SH3RF1: variants seen among roughly 807,000 people sequenced by gnomAD.
The protein encoded by SH3RF1 is E3 ubiquitin-protein ligase SH3RF1.
SH3RF1 carries 32 observed loss-of-function variants against 74.0 expected under a neutral mutation model. The ratio of observed to expected loss-of-function variants is 0.43; its 90% CI spans 0.33 to 0.58. SH3RF1 has a LOEUF of 0.58. Ranked by LOEUF, SH3RF1 falls within the 20% of genes least tolerant of loss-of-function variation. The probability of loss-of-function intolerance (pLI) is 0.05; values close to 1 mark genes in which losing one functional copy is unlikely to be tolerated. For missense variants in SH3RF1, 954 were observed against 1,130.9 expected (o/e 0.84, Z 2.24); for synonymous variants, 396 against 439.6 (o/e 0.90, Z 1.24).
rs1240584114 is a variant in SH3RF1 at position 169,107,074 on chromosome 4, C to T, written c.2271G>A (p.Val757=). 8.7e-6 allele frequency: 14 copies of T among 1,614,010 alleles called. No homozygotes were observed. Among genetic ancestry groups the T allele is most frequent in the Non-Finnish European group, 1.1e-5 (13 of 1,179,998 alleles). ...GSAELPLQGA[V]GPELPPGGGH... is the part of the protein sequence containing the mutation. ...CACCTCCTGGTGGCAGTTCGGGCCC[C>T]ACCGCTCCCTGGAGAGGAAGCTCTG... The change falls in exon 11 of 12, where the codon GTG becomes GTA. Residue 757 remains valine (V), a synonymous_variant. Coordinates refer to ENST00000284637, the MANE Select transcript of SH3RF1 (RefSeq NM_020870.4).
At chr4:169,162,316 T>G (rs1429664421) in intron 2 of SH3RF1, among the ~76,000 whole-genome samples, 2 of 152,234 alleles carry the variant, frequency 1.3e-5, no homozygotes, top group African/African-American at 4.8e-5. Context: ...TCTCAAGATA[T>G]CTACATCAGA....
intron 2 of SH3RF1, chr4:169,220,320 T>C (rs1057009105): frequency 5.3e-5 from 8 of 152,242 alleles, no homozygotes; most frequent in Non-Finnish European, 7.3e-5. Flanking sequence ...CACATGAAGA[T>C]TGAAGAAGAA....
chr4:169,096,719 T>C (rs1482519574), intron 11 of SH3RF1, 32 bp from the exon 12 acceptor site: 2 of 1,583,078 alleles, frequency 1.3e-6, no homozygotes, highest in Admixed American at 1.9e-5. Context: ...GTTAAGGCGA[T>C]TCAAAGCAGT....
At chr4:169,262,740 A>G (rs1196197486) in intron 2 of SH3RF1, among the ~76,000 whole-genome samples, 3 of 152,188 alleles carry the variant, frequency 2.0e-5, no homozygotes, top group Non-Finnish European at 4.4e-5. Flanking sequence ...TTATGGTTAC[A>G]TGACACTTTA....
chr4:169,255,373 AT>A (rs1258569362), intron 2 of SH3RF1, among the ~76,000 whole-genome samples: 2 of 152,194 alleles, frequency 1.3e-5, no homozygotes, highest in Non-Finnish European at 2.9e-5. Flanking sequence ...ATTTGTTTAT[AT>A]CTGTTTATAT....
Position 169,130,103 on chromosome 4 carries a change from C to G in SH3RF1, c.1122G>C (p.Val374=). ...LIVTPPPSSP[V]TTGPSFTFPS... ...GGAAAGTAAACGAGGGGCCAGTTGTCACTGGGCTGCTTGGGGGCGGGGTCA... is the reference window on the plus strand; with the variant it reads ...GGAAAGTAAACGAGGGGCCAGTTGTGACTGGGCTGCTTGGGGGCGGGGTCA... Residue 374 remains valine (V), a synonymous_variant, in exon 6 of 12, where the codon GTG becomes GTC. Coordinates refer to ENST00000284637, the MANE Select transcript of SH3RF1 (RefSeq NM_020870.4). 1 of 1,611,612 alleles carries G rather than the reference C, an allele frequency of 6.2e-7. No homozygotes were observed. Among genetic ancestry groups the G allele is most frequent in the Non-Finnish European group, 8.5e-7 (1 of 1,179,168 alleles).
At chr4:169,255,622 T>TACATACACAC (rs1731176120) in intron 2 of SH3RF1, among the ~76,000 whole-genome samples, 1 of 124,660 alleles carries the variant, frequency 8.0e-6, no homozygotes, top group Non-Finnish European at 1.7e-5. Context: ...CATACACACA[T>TACATACACAC]ACACACACAC....
chr4:169,206,966 TC>T (rs1042719220), intron 2 of SH3RF1, among the ~76,000 whole-genome samples: 1 of 151,710 alleles, frequency 6.6e-6, no homozygotes, highest in Admixed American at 6.6e-5. Context: ...ACCCCATTTC[TC>T]TTTTTTTTTT....
chr4:169,131,248 C>T (rs1733614541), intron 5 of SH3RF1, among the ~76,000 whole-genome samples: 1 of 152,182 alleles, frequency 6.6e-6, no homozygotes, highest in South Asian at 2.1e-4. Context: ...ATGGAATCTG[C>T]AATCTTTTAA....
At chr4:169,256,329 TAGAG>T (rs796339069) in intron 2 of SH3RF1, among the ~76,000 whole-genome samples, 86 of 149,584 alleles carry the variant, frequency 5.7e-4, no homozygotes, top group African/African-American at 2.0e-3. Flanking sequence ...GAGGGAGAAA[TAGAG>T]GGAGGGAGGG....
chr4:169,222,001 T>C (rs1730573396), intron 2 of SH3RF1, among the ~76,000 whole-genome samples: 1 of 152,200 alleles, frequency 6.6e-6, no homozygotes, highest in Admixed American at 6.5e-5. Context: ...TACTAATAGT[T>C]TTTCCTTGAA....
At position 169,107,124 on chromosome 4, in the gene SH3RF1, T is replaced by A. The variant is rs1248481292; in HGVS notation, c.2221A>T (p.Thr741Ser). 6.2e-7 allele frequency: 1 copy of A among 1,610,090 alleles called. No homozygotes were observed. Reference sequence around the variant, plus strand: ...GCACTGCCCAGCTCCACTTCTAGGGTGGGCGATGCTGGAGGAGACACGCGG... The same window carrying A: ...GCACTGCCCAGCTCCACTTCTAGGGAGGGCGATGCTGGAGGAGACACGCGG... Reference protein sequence around the residue: ...KPRVSPPASPTLEVELGSAEL... With the variant: ...KPRVSPPASPSLEVELGSAEL... Residue 741 changes from threonine to serine, a missense_variant, in exon 11 of 12, where the codon ACC becomes TCC. Physicochemically the swap from Thr to Ser is moderately conservative, Grantham distance 58. This residue lies in a region of SH3RF1 where 854 missense variants were observed against 962.5 expected (regional missense o/e 0.89). Transcript: ENST00000284637.
intron 2 of SH3RF1, among the ~76,000 whole-genome samples, chr4:169,159,385 G>A (rs1734116139): frequency 1.3e-5 from 2 of 152,218 alleles, no homozygotes; most frequent in South Asian, 2.1e-4. Context: ...CAGAGAGAGA[G>A]AGATAGAGAG....
intron 5 of SH3RF1, among the ~76,000 whole-genome samples, chr4:169,136,025 A>G (rs1328578255): frequency 1.3e-5 from 2 of 152,212 alleles, no homozygotes; most frequent in Non-Finnish European, 2.9e-5. Context: ...AAAGTTCTGT[A>G]AGGCTGAGTG....
At chr4:169,228,696 T>C (rs1200909906) in intron 2 of SH3RF1, among the ~76,000 whole-genome samples, 3 of 152,172 alleles carry the variant, frequency 2.0e-5, no homozygotes, top group Middle Eastern at 6.3e-3. Context: ...GTAAACATCT[T>C]GAGGGGAGGG....
At chr4:169,200,498 T>A (rs536115737) in intron 2 of SH3RF1, among the ~76,000 whole-genome samples, 2 of 152,102 alleles carry the variant, frequency 1.3e-5, no homozygotes, top group East Asian at 3.9e-4. Flanking sequence ...AATATTTACT[T>A]CAGAAAAAAG....
intron 2 of SH3RF1, among the ~76,000 whole-genome samples, chr4:169,257,561 T>C (rs1184004509): frequency 2.0e-5 from 3 of 152,150 alleles, no homozygotes; most frequent in African/African-American, 7.2e-5. Context: ...GTTACCTGCC[T>C]CCCCGCTCTT....
At chr4:169,110,096 C>T (rs112971153) in intron 10 of SH3RF1, among the ~76,000 whole-genome samples, 7 of 145,956 alleles carry the variant, frequency 4.8e-5, no homozygotes, top group African/African-American at 1.3e-4. Context: ...CGTTAGAGGC[C>T]GGGCACAGTG....
At chr4:169,128,647 C>T (rs1358070278) in intron 6 of SH3RF1, among the ~76,000 whole-genome samples, 22 of 152,014 alleles carry the variant, frequency 1.4e-4, no homozygotes, top group Admixed American at 6.6e-5. Context: ...ATAGGAAAAA[C>T]AAGGCAAATG....
Sources: allele counts gnomAD v4.1 joint callset (sites outside exome capture counted in the v4.1 genomes callset), GRCh38; gene constraint gnomAD v4.1.1; regional missense constraint gnomAD v4.1.1; transcripts MANE v1.5; gene names NCBI Gene and HGNC (gene_info 2026-07-23, HGNC 2026-07-21).